Variants in TM9SF4 observed in about 807,000 individuals in gnomAD.
TM9SF4 encodes transmembrane 9 superfamily member 4, also known as dinucleotide oxidase disulfide thiol exchanger 3 superfamily member 4.
Under a neutral mutation model 90.4 loss-of-function variants are expected in TM9SF4, and 26 were observed. That is an observed-to-expected ratio of 0.29 (90% CI 0.21 to 0.40). The LOEUF is 0.40. TM9SF4 is among the 10% of genes least tolerant of loss of function. TM9SF4 has a pLI of 1.00. For missense variants in TM9SF4, 549 were observed against 834.8 expected (o/e 0.66, Z 4.22); for synonymous variants, 293 against 315.4 (o/e 0.93, Z 0.75).
intron 1 of TM9SF4, among the ~76,000 whole-genome samples, chr20:32,113,148 G>A (rs1569035717): frequency 6.6e-6 from 1 of 152,186 alleles, no homozygotes; most frequent in Non-Finnish European, 1.5e-5. Flanking sequence ...TCCAGTGGCC[G>A]TGGGAATAGC....
At chr20:32,113,575 T>C (rs935174819) in intron 1 of TM9SF4, among the ~76,000 whole-genome samples, 11 of 145,716 alleles carry the variant, frequency 7.5e-5, no homozygotes, top group African/African-American at 2.8e-4. Context: ...GTGTCAGGAG[T>C]CTAGAAACTT....
chr20:32,141,410 C>G, intron 3 of TM9SF4, 87 bp from the exon 4 acceptor site: 1 of 1,500,224 alleles, frequency 6.7e-7, no homozygotes, highest in Non-Finnish European at 9.1e-7. Flanking sequence ...CCCATGTTTG[C>G]CCCGCAGTCC....
At chr20:32,109,831 T>G in intron 1 of TM9SF4, 76 bp downstream of exon 1, 1 of 1,548,918 alleles carries the variant, frequency 6.5e-7, no homozygotes, top group Non-Finnish European at 8.7e-7. Flanking sequence ...CAGCACCCCA[T>G]GCCTGGCCCT....
Position 32,165,582 on chromosome 20 carries a change from G to A in TM9SF4, c.*138G>A. ...TGGCACAGTGTTCCTGGATCCTGGG[G>A]CTGCGTGGGGGGCGGGAGGGCCTGT... On this transcript the variant is annotated 3_prime_UTR_variant, in exon 18 of 18. Coordinates refer to ENST00000398022, the MANE Select transcript of TM9SF4 (RefSeq NM_014742.4). 9.6e-7 allele frequency: 1 copy of A among 1,037,128 alleles called. No homozygotes were observed. The highest frequency in any genetic ancestry group is 1.4e-6 in the Non-Finnish European group (1 of 713,504). The allele number at this position is 1,037,128 out of a possible 1,614,324, so 64.2% of individuals were successfully genotyped here.
chr20:32,137,178 C>G (rs1314936516), intron 3 of TM9SF4, among the ~76,000 whole-genome samples: 1 of 152,242 alleles, frequency 6.6e-6, no homozygotes, highest in Non-Finnish European at 1.5e-5. Context: ...AGCTTGTGGC[C>G]CTGCCACTTA....
chr20:32,123,866 A>ATATATATATGTATTTTTTTTTTT, intron 1 of TM9SF4, among the ~76,000 whole-genome samples: 1 of 93,980 alleles, frequency 1.1e-5, no homozygotes, highest in African/African-American at 4.6e-5. Flanking sequence ...ATATATATAT[A>ATATATATATGTATTTTTTTTTTT]TTTTTTTTTT....
chr20:32,122,854 G>A (rs1478084107), intron 1 of TM9SF4, among the ~76,000 whole-genome samples: 2 of 151,936 alleles, frequency 1.3e-5, no homozygotes, highest in Non-Finnish European at 2.9e-5. Flanking sequence ...CCGAGATCAC[G>A]CCACTTCACT....
intron 1 of TM9SF4, among the ~76,000 whole-genome samples, chr20:32,124,606 A>G (rs1349567724): frequency 1.4e-5 from 2 of 140,930 alleles, no homozygotes; most frequent in Non-Finnish European, 3.1e-5. Context: ...TTTTTTTTTT[A>G]GATGAAGTCT....
intron 1 of TM9SF4, among the ~76,000 whole-genome samples, chr20:32,117,541 G>A (rs2046244565): frequency 6.6e-6 from 1 of 152,198 alleles, no homozygotes. Context: ...ACTGGGTGGG[G>A]TGAATTTGGA....
At chr20:32,137,107 C>T (rs957922996) in intron 3 of TM9SF4, 5 of 450,808 alleles carry the variant, frequency 1.1e-5, no homozygotes, top group East Asian at 7.0e-5. Context: ...TGCCTTGTAG[C>T]GTTGAACAGA....
In TM9SF4 at chr20:32,146,773, C is replaced by G. The variant is rs2046768824; in HGVS notation, c.884-12C>G. On this transcript the variant is annotated splice_polypyrimidine_tract_variant and intron_variant, in intron 8 of 17. Coordinates refer to ENST00000398022, the MANE Select transcript of TM9SF4 (RefSeq NM_014742.4). ...GCCAACTTCTCCTCATCCTCACCGC[C>G]ATCTATTTCAGGTATCCTGAGCATG... 6.2e-7 allele frequency: 1 copy of G among 1,613,824 alleles called. No individual in the cohort carries two copies. Among genetic ancestry groups the G allele is most frequent in the Admixed American group, 1.7e-5 (1 of 59,986 alleles).
intron 2 of TM9SF4, among the ~76,000 whole-genome samples, chr20:32,135,026 C>G (rs1447524386): frequency 6.6e-6 from 1 of 152,054 alleles, no homozygotes; most frequent in Non-Finnish European, 1.5e-5. Context: ...ATCTTTTTTA[C>G]TTTTAGGTGG....
intron 3 of TM9SF4, among the ~76,000 whole-genome samples, chr20:32,138,360 C>T (rs1041011799): frequency 2.6e-5 from 4 of 152,190 alleles, no homozygotes; most frequent in Admixed American, 6.5e-5. Flanking sequence ...TGAGCCATTT[C>T]GCTCATGCCT....
At chr20:32,161,433 G>A in intron 17 of TM9SF4, 68 bp downstream of exon 17, 1 of 1,484,300 alleles carries the variant, frequency 6.7e-7, no homozygotes, top group Middle Eastern at 1.9e-4. Context: ...AGGATGCTGG[G>A]AGAAAAACCC....
intron 13 of TM9SF4, 49 bp from the exon 14 acceptor site, chr20:32,157,745 A>T: frequency 6.2e-7 from 1 of 1,602,982 alleles, no homozygotes. Flanking sequence ...CGCAGCCCCC[A>T]TCCCGGGCAT....
chr20:32,142,859 G>A, intron 5 of TM9SF4, 123 bp from the exon 6 acceptor site: 2 of 1,315,516 alleles, frequency 1.5e-6, no homozygotes, highest in South Asian at 1.4e-5. Context: ...GTAGGGGAGT[G>A]ATGAGAACAG....
At chr20:32,139,490 C>T (rs971673111) in intron 3 of TM9SF4, among the ~76,000 whole-genome samples, 3 of 152,166 alleles carry the variant, frequency 2.0e-5, no homozygotes, top group Non-Finnish European at 2.9e-5. Context: ...CTTCTCTACC[C>T]TCACCAGCAC....
At chr20:32,153,454 G>T (rs1385254793) in intron 12 of TM9SF4, among the ~76,000 whole-genome samples, 1 of 152,208 alleles carries the variant, frequency 6.6e-6, no homozygotes, top group Non-Finnish European at 1.5e-5. Context: ...GATCAGTGTG[G>T]CAAGAAGGTT....
chr20:32,160,755 C>T (rs1204650829), intron 16 of TM9SF4, among the ~76,000 whole-genome samples: 2 of 151,916 alleles, frequency 1.3e-5, no homozygotes, highest in South Asian at 2.1e-4. Flanking sequence ...TCGAGACCAT[C>T]CTGGCTAACA....
Sources: allele counts gnomAD v4.1 joint callset (sites outside exome capture counted in the v4.1 genomes callset), GRCh38; gene constraint gnomAD v4.1.1; transcripts MANE v1.5; gene names NCBI Gene and HGNC (gene_info 2026-07-23, HGNC 2026-07-21).